The following PTTG1IP variants were observed in gnomAD, a reference collection of about 807,000 sequenced individuals.
PTTG1IP encodes PTTG1 interacting protein.
Under a neutral mutation model 24.4 loss-of-function variants are expected in PTTG1IP, and 16 were observed. The ratio of observed to expected loss-of-function variants is 0.66; its 90% CI spans 0.44 to 1.00. The LOEUF (loss-of-function observed/expected upper bound fraction) is 1.00. PTTG1IP is among the 50% of genes least tolerant of loss of function. The pLI, the probability that PTTG1IP is intolerant of heterozygous loss-of-function variation, is 0.00. For missense variants in PTTG1IP, 241 were observed against 245.8 expected, an observed-to-expected ratio of 0.98 and a Z score of 0.13; for synonymous variants, 89 against 96.8, an observed-to-expected ratio of 0.92 and a Z score of 0.47.
intron 1 of PTTG1IP, 117 bp downstream of exon 1, chr21:44,873,385 T>C (rs1339715988): frequency 1.9e-6 from 2 of 1,031,812 alleles, no homozygotes; most frequent in African/African-American, 1.7e-5. Flanking sequence ...CCTGCGACCG[T>C]GGGCCCAGGC....
chr21:44,862,283 G>C (rs2083498382), intron 2 of PTTG1IP, among the ~76,000 whole-genome samples: 1 of 152,256 alleles, frequency 6.6e-6, no homozygotes, highest in South Asian at 2.1e-4. Flanking sequence ...CACTTTGGGA[G>C]GCCAGGAGGG....
intron 1 of PTTG1IP, among the ~76,000 whole-genome samples, chr21:44,866,944 C>G (rs1344319212): frequency 6.6e-6 from 1 of 152,206 alleles, no homozygotes; most frequent in Admixed American, 6.5e-5. Flanking sequence ...AACAAACATG[C>G]GACCACCTAT....
intron 1 of PTTG1IP, among the ~76,000 whole-genome samples, chr21:44,869,981 A>G (rs1013659550): frequency 7.2e-5 from 11 of 152,200 alleles, no homozygotes; most frequent in Non-Finnish European, 1.5e-4. Flanking sequence ...CGTCAACTCC[A>G]TCTATCCCCA....
intron 1 of PTTG1IP, among the ~76,000 whole-genome samples, chr21:44,867,227 T>C (rs553426954): frequency 6.6e-6 from 1 of 152,350 alleles, no homozygotes; most frequent in South Asian, 2.1e-4. Flanking sequence ...GGAGGTGAGC[T>C]AGGCGGCTGT....
chr21:44,861,680 G>T (rs1177912440), intron 2 of PTTG1IP: 1 of 714,538 alleles, frequency 1.4e-6, no homozygotes, highest in South Asian at 1.5e-5. Context: ...GCCCTGCCTC[G>T]ATCAACAGAC....
intron 1 of PTTG1IP, among the ~76,000 whole-genome samples, chr21:44,872,430 T>C (rs371076708): frequency 1.3e-5 from 2 of 152,254 alleles, no homozygotes; most frequent in East Asian, 3.9e-4. Context: ...CTGAGAAAAG[T>C]ATTAGCCCCT....
In PTTG1IP at chr21:44,849,855, TAC is replaced by T. The variant is rs1377631516; in HGVS notation, c.*1724_*1725del. On this transcript the variant is annotated 3_prime_UTR_variant, in exon 6 of 6. Transcript: ENST00000330938. The stretch of plus-strand genomic sequence containing the variant: ...TTTTGCACACACACTACTGCATTCA[TAC>T]AGAGTTCACTGAAGTCTATTACCAA... 1 of 152,264 alleles carries T rather than the reference TAC, an allele frequency of 6.6e-6. No individual in the cohort carries two copies. The allele number at this position is 152,264 out of a possible 1,614,324, so 9.4% of individuals were successfully genotyped here.
intron 1 of PTTG1IP, 47 bp from the exon 2 acceptor site, chr21:44,865,494 G>A (rs1432936165): frequency 2.5e-6 from 4 of 1,598,234 alleles, no homozygotes; most frequent in African/African-American, 1.3e-5. Context: ...GAATCAGGCA[G>A]TGTAAATATT....
intron 1 of PTTG1IP, among the ~76,000 whole-genome samples, chr21:44,868,616 C>T (rs562472883): frequency 1.3e-5 from 2 of 152,266 alleles, no homozygotes; most frequent in African/African-American, 4.8e-5. Flanking sequence ...GCCAAGTGAA[C>T]ATCAAAATAA....
At position 44,855,211 on chromosome 21, in the gene PTTG1IP, A is replaced by AT. The variant is rs1444046541; in HGVS notation, c.494dup (p.Tyr165Ter). The change falls in exon 5 of 6, where the codon TAT (tyrosine) becomes TAAT (stop). Residue 165 changes from tyrosine to a stop codon, truncating the protein, a stop_gained and frameshift_variant and splice_region_variant. Transcript: ENST00000330938. LOFTEE classifies it high-confidence loss of function. Reference sequence around the variant, plus strand: ...AAAGGAGGCGTGACCAGTCCTTACCATATTTTTTTCTGATTTCATCATGTC... The same window carrying AT: ...AAAGGAGGCGTGACCAGTCCTTACCATTATTTTTTTCTGATTTCATCATGTC... ...KTRHDEIRKK[Y>*]GLFKEENPYA... The AT allele has an allele frequency of 6.2e-7, 1 of 1,610,010 alleles. No individual in the cohort carries two copies. The highest frequency in any genetic ancestry group is 8.5e-7 in the Non-Finnish European group (1 of 1,176,474).
intron 1 of PTTG1IP, among the ~76,000 whole-genome samples, chr21:44,867,653 G>A (rs1202532402): frequency 6.6e-6 from 1 of 152,264 alleles, no homozygotes; most frequent in Non-Finnish European, 1.5e-5. Context: ...TCACGTCTGT[G>A]ACTGACATTC....
At chr21:44,863,465 T>A (rs1252448147) in intron 2 of PTTG1IP, among the ~76,000 whole-genome samples, 1 of 152,222 alleles carries the variant, frequency 6.6e-6, no homozygotes, top group Non-Finnish European at 1.5e-5. Context: ...CACCGCCCTG[T>A]CTGGGTTCAG....
At position 44,850,970 on chromosome 21, in the gene PTTG1IP, A is replaced by T. The variant is rs937995780; in HGVS notation, c.*611T>A. On this transcript the variant is annotated 3_prime_UTR_variant, in exon 6 of 6. Transcript: ENST00000330938. ...GGAGGAAAATCCAATAAATTTTTTT[A>T]AAAAGGTTTAGCTATTCCCCAATGC... 2 of 161,560 alleles carry T rather than the reference A, an allele frequency of 1.2e-5. No homozygotes were observed. The highest frequency in any genetic ancestry group is 2.7e-5 in the Non-Finnish European group (2 of 74,694). The allele number at this position is 161,560 out of a possible 1,614,324, so 10.0% of individuals were successfully genotyped here.
At chr21:44,860,187 T>C (rs2083479424) in intron 3 of PTTG1IP, among the ~76,000 whole-genome samples, 1 of 151,976 alleles carries the variant, frequency 6.6e-6, no homozygotes, top group Non-Finnish European at 1.5e-5. Context: ...GCTAACACAG[T>C]GAAACCCCGT....
chr21:44,863,511 C>G (rs2083510928), intron 2 of PTTG1IP, among the ~76,000 whole-genome samples: 1 of 152,204 alleles, frequency 6.6e-6, no homozygotes, highest in Non-Finnish European at 1.5e-5. Flanking sequence ...CTGGACTGGC[C>G]CCATCCACAA....
intron 5 of PTTG1IP, among the ~76,000 whole-genome samples, chr21:44,854,198 C>T (rs1399478324): frequency 6.6e-6 from 1 of 152,196 alleles, no homozygotes; most frequent in Admixed American, 6.5e-5. Context: ...CCTCATGCCC[C>T]CAGTGGGTGG....
intron 1 of PTTG1IP, 128 bp downstream of exon 1, chr21:44,873,374 G>A (rs2083606312): frequency 2.1e-6 from 2 of 958,986 alleles, no homozygotes; most frequent in South Asian, 5.2e-5. Context: ...TCGGGGCGCT[G>A]CCTGCGACCG....
intron 3 of PTTG1IP, among the ~76,000 whole-genome samples, chr21:44,857,682 C>A (rs913454246): frequency 1.3e-5 from 2 of 152,216 alleles, no homozygotes; most frequent in Non-Finnish European, 2.9e-5. Flanking sequence ...GCAAGGAGGC[C>A]GACGGCCAGG....
intron 1 of PTTG1IP, chr21:44,865,947 T>G (rs979958525): frequency 9.5e-6 from 2 of 211,264 alleles, no homozygotes; most frequent in African/African-American, 4.6e-5. Context: ...AGCAAGGTCT[T>G]AGTCCCCTGG....
Sources: gnomAD v4.1 joint callset for allele counts (sites outside exome capture counted in the v4.1 genomes callset) on GRCh38, gnomAD v4.1.1 for gene constraint, MANE v1.5 for transcripts, NCBI Gene and HGNC (gene_info 2026-07-23, HGNC 2026-07-21) for gene names.